PLEKHO2: variants seen among roughly 807,000 people sequenced by gnomAD.
The protein encoded by PLEKHO2 is pleckstrin homology domain containing O2, also known as pleckstrin homology domain-containing family O member 2.
In PLEKHO2, 20 loss-of-function variants were observed where a neutral mutation model predicts 32.7. The observed-to-expected ratio is 0.61, with a 90% CI of 0.43 to 0.89. The LOEUF (loss-of-function observed/expected upper bound fraction) is 0.89, where lower values mean the gene tolerates loss of function less well. PLEKHO2 is among the 40% of genes least tolerant of loss of function. The pLI, the probability that PLEKHO2 is intolerant of heterozygous loss-of-function variation, is 0.00. For synonymous variants in PLEKHO2, 247 were observed against 246.3 expected, an observed-to-expected ratio of 1.00 and a Z score of -0.03; for missense variants, 568 against 621.2, an observed-to-expected ratio of 0.91 and a Z score of 0.91.
At chr15:64,853,918 G>A (rs905602871) in intron 2 of PLEKHO2, among the ~76,000 whole-genome samples, 1 of 152,196 alleles carries the variant, frequency 6.6e-6, no homozygotes, top group African/African-American at 2.4e-5. Context: ...CTCACTAAGT[G>A]TCAGATTTCT....
chr15:64,865,046 C>A lies in PLEKHO2; in HGVS notation c.631C>A (p.Leu211Ile), dbSNP rs1171898210. 1 of 1,614,140 alleles carries A rather than the reference C, an allele frequency of 6.2e-7. No homozygotes were observed. Among genetic ancestry groups the A allele is most frequent in the Non-Finnish European group, 8.5e-7 (1 of 1,180,010 alleles). ...RPLMPPTKPF[L>I]APETTSPGDR... ...CCTCATGCCTCCTACCAAGCCTTTC[C>A]TAGCACCTGAGACCACCAGCCCTGG... The change falls in exon 6 of 6, where the codon CTA becomes ATA. Residue 211 changes from leucine (L) to isoleucine (I), a missense_variant. By Grantham distance (5) the Leu-to-Ile change is conservative (BLOSUM62 2). Coordinates refer to ENST00000323544, the MANE Select transcript of PLEKHO2 (RefSeq NM_025201.5).
At chr15:64,848,895 T>C (rs1217603276) in intron 2 of PLEKHO2, among the ~76,000 whole-genome samples, 153 bp downstream of exon 2, 3 of 152,186 alleles carry the variant, frequency 2.0e-5, no homozygotes, top group Non-Finnish European at 2.9e-5. Context: ...AATCCTCTCT[T>C]GGGTCTCTGT....
At chr15:64,842,885 G>A (rs2084496019) in intron 1 of PLEKHO2, among the ~76,000 whole-genome samples, 1 of 152,240 alleles carries the variant, frequency 6.6e-6, no homozygotes, top group African/African-American at 2.4e-5. Context: ...CTTAATATAT[G>A]CCTGTGGAAT....
chr15:64,861,590 A>G lies in PLEKHO2; in HGVS notation c.483+15A>G. 3.2e-6 allele frequency: 5 copies of G among 1,567,800 alleles called. No homozygotes were observed. The highest frequency in any genetic ancestry group is 3.5e-6 in the Non-Finnish European group (4 of 1,157,258). Reference sequence around the variant, plus strand: ...ACCTGAAGGAGGTAGGGCCTTACCCAGTGTGGATGTTGGGGTTAGTTGAGC... The same window carrying G: ...ACCTGAAGGAGGTAGGGCCTTACCCGGTGTGGATGTTGGGGTTAGTTGAGC... On this transcript the variant is annotated intron_variant, in intron 5 of 5. Transcript: ENST00000323544.
At chr15:64,843,487 G>A (rs2084500019) in intron 1 of PLEKHO2, among the ~76,000 whole-genome samples, 1 of 152,142 alleles carries the variant, frequency 6.6e-6, no homozygotes, top group Non-Finnish European at 1.5e-5. Flanking sequence ...ATCTGCGCTG[G>A]CCCCTGATTA....
At chr15:64,858,951 A>C (rs1302174578) in intron 3 of PLEKHO2, among the ~76,000 whole-genome samples, 2 of 152,112 alleles carry the variant, frequency 1.3e-5, no homozygotes, top group Non-Finnish European at 2.9e-5. Flanking sequence ...AGCCCCTGGC[A>C]ACCACCACTC....
chr15:64,858,840 G>A (rs1206283375), intron 3 of PLEKHO2, among the ~76,000 whole-genome samples: 3 of 152,108 alleles, frequency 2.0e-5, no homozygotes, highest in Non-Finnish European at 4.4e-5. Flanking sequence ...TACATTCATG[G>A]TGTTGTACAG....
rs1001605515 is a variant in PLEKHO2 at position 64,842,000 on chromosome 15, A to G, written c.-17A>G. 1 of 1,245,416 alleles carries G rather than the reference A, an allele frequency of 8.0e-7. No homozygotes were observed. Among genetic ancestry groups the G allele is most frequent in the Non-Finnish European group, 1.0e-6 (1 of 995,476 alleles). The allele number at this position is 1,245,416 out of a possible 1,614,324, so 77.1% of individuals were successfully genotyped here. A position where few individuals can be genotyped will look rare whatever the true frequency, so the allele number is the denominator to read the frequency against. ...TGGAAGCGAGTGGCGGAGCGGCGGGACCTCGGCGGACTCGCCATGGAGGAG... is the reference window on the plus strand; with the variant it reads ...TGGAAGCGAGTGGCGGAGCGGCGGGGCCTCGGCGGACTCGCCATGGAGGAG... On this transcript the variant is annotated 5_prime_UTR_variant, in exon 1 of 6. Transcript: ENST00000323544.
chr15:64,854,903 T>A lies in PLEKHO2; in HGVS notation c.163-18T>A, dbSNP rs2084595491. The A allele has an allele frequency of 2.5e-6, 4 of 1,603,150 alleles. No individual in the cohort carries two copies. Among genetic ancestry groups the A allele is most frequent in the Non-Finnish European group, 3.4e-6 (4 of 1,170,714 alleles). Reference sequence around the variant, plus strand: ...TCTGACTGTCACCAGCTCATGTCCCTTCTGTCTCCCTCCCCAGGATGATCA... The same window carrying A: ...TCTGACTGTCACCAGCTCATGTCCCATCTGTCTCCCTCCCCAGGATGATCA... On this transcript the variant is annotated intron_variant, in intron 2 of 5. Transcript: ENST00000323544.
intron 1 of PLEKHO2, among the ~76,000 whole-genome samples, chr15:64,842,617 C>T (rs1419663614): frequency 1.3e-5 from 2 of 151,792 alleles, no homozygotes; most frequent in African/African-American, 2.4e-5. Flanking sequence ...TATCTTTTCC[C>T]CCACTCTCTC....
At chr15:64,863,813 G>T (rs947940187) in intron 5 of PLEKHO2, among the ~76,000 whole-genome samples, 2 of 150,570 alleles carry the variant, frequency 1.3e-5, no homozygotes, top group Non-Finnish European at 2.9e-5. Context: ...GCATGATCTC[G>T]GCTCACTGCA....
At chr15:64,851,486 T>C (rs571939380) in intron 2 of PLEKHO2, among the ~76,000 whole-genome samples, 49 of 152,266 alleles carry the variant, frequency 3.2e-4, no homozygotes, top group African/African-American at 1.2e-3. Flanking sequence ...AAAATGTAAA[T>C]GCAATTTCAG....
intron 5 of PLEKHO2, among the ~76,000 whole-genome samples, chr15:64,863,668 G>A (rs184767032): frequency 2.0e-5 from 3 of 152,032 alleles, no homozygotes; most frequent in Admixed American, 6.5e-5. Context: ...GCACATGCCT[G>A]TGGTCCCAGC....
intron 4 of PLEKHO2, 25 bp downstream of exon 4, chr15:64,860,023 A>T: frequency 1.3e-6 from 2 of 1,599,608 alleles, no homozygotes; most frequent in Non-Finnish European, 1.7e-6. Context: ...GTGGACATGG[A>T]CAGCTCTGTG....
chr15:64,849,263 T>G (rs1398611567), intron 2 of PLEKHO2, among the ~76,000 whole-genome samples: 1 of 152,128 alleles, frequency 6.6e-6, no homozygotes, highest in East Asian at 1.9e-4. Context: ...TTCTCCTGCC[T>G]CAGCCTCTGG....
rs545047705 is a variant in PLEKHO2 at position 64,853,590 on chromosome 15, A to G, written c.163-1331A>G. 8.8e-4 allele frequency among the ~76,000 whole-genome samples: 134 copies of G among 152,090 alleles called. 1 individual carries two copies. The highest frequency in any genetic ancestry group is 3.1e-3 in the African/African-American group (130 of 41,494). ...ATTACAGGTGTGAGCCACCGCACCC[A>G]GCCGGGAGTTTGCATTTCTAACAAG... On this transcript the variant is annotated intron_variant, in intron 2 of 5. Transcript: ENST00000323544.
At chr15:64,851,667 G>T (rs1458183367) in intron 2 of PLEKHO2, among the ~76,000 whole-genome samples, 1 of 152,110 alleles carries the variant, frequency 6.6e-6, no homozygotes, top group Non-Finnish European at 1.5e-5. Context: ...CTCACCCATT[G>T]CCTACTGGTT....
At chr15:64,854,800 G>T (rs1003805389) in intron 2 of PLEKHO2, 121 bp from the exon 3 acceptor site, 2 of 729,590 alleles carry the variant, frequency 2.7e-6, no homozygotes, top group African/African-American at 1.7e-5. Context: ...GCAGCCTGAG[G>T]TCCTCCCTCT....
At chr15:64,862,990 A>T (rs574198705) in intron 5 of PLEKHO2, among the ~76,000 whole-genome samples, 1 of 131,666 alleles carries the variant, frequency 7.6e-6, no homozygotes, top group Non-Finnish European at 1.5e-5. Flanking sequence ...CCCAGGCTGG[A>T]GTGCAGGGTG....
Sources: allele counts gnomAD v4.1 joint callset (sites outside exome capture counted in the v4.1 genomes callset), GRCh38; gene constraint gnomAD v4.1.1; transcripts MANE v1.5; gene names NCBI Gene and HGNC (gene_info 2026-07-23, HGNC 2026-07-21).